Variants in WWOX observed in about 807,000 individuals in gnomAD.
The protein encoded by WWOX is WW domain-containing oxidoreductase.
A neutral mutation model predicts 46.2 loss-of-function variants in WWOX; 69 were observed. The observed-to-expected ratio is 1.49, with a 90% CI of 1.23 to 1.82. The LOEUF is 1.82. Ranked by LOEUF, WWOX falls within the 40% of genes most tolerant of loss-of-function variation. The pLI is 0.00. For synonymous variants in WWOX, 359 were observed against 202.6 expected, an observed-to-expected ratio of 1.77 and a Z score of -6.56; for missense variants, 919 against 542.6, an observed-to-expected ratio of 1.69 and a Z score of -6.89.
intron 8 of WWOX, among the ~76,000 whole-genome samples, chr16:78,923,863 G>C (rs573885794): frequency 7.1e-6 from 1 of 141,014 alleles, no homozygotes; most frequent in East Asian, 2.3e-4. Flanking sequence ...GCAGTGGCGC[G>C]ATCTCGGTTC....
chr16:78,492,329 A>C lies in WWOX; in HGVS notation c.1056+59577A>C, dbSNP rs146887562. Among the ~76,000 whole-genome samples, 997 of 152,332 alleles carry C rather than the reference A, an allele frequency of 6.5e-3. 4 individuals carry two copies. Among genetic ancestry groups the C allele is most frequent in the Non-Finnish European group, 0.01 (686 of 68,026 alleles). On this transcript the variant is annotated intron_variant, in intron 8 of 8. Transcript: ENST00000566780. ...TTTTTCTTCTTTTCTATCTGCTAGCAAAGTGGGTAAGTTGACCCATGACAT... is the reference window on the plus strand; with the variant it reads ...TTTTTCTTCTTTTCTATCTGCTAGCCAAGTGGGTAAGTTGACCCATGACAT...
At chr16:78,575,043 ATATATATATATATATATATAT>A (rs2044831517) in intron 8 of WWOX, among the ~76,000 whole-genome samples, 1 of 5,498 alleles carries the variant, frequency 1.8e-4, no homozygotes. Flanking sequence ...ATATATATAT[ATATATATATATATATATATAT>A]ATATATATAT....
chr16:79,110,966 T>C (rs2049405655), intron 8 of WWOX: 1 of 152,246 alleles, frequency 6.6e-6, no homozygotes, highest in South Asian at 2.1e-4. Flanking sequence ...GGTCAAGAAA[T>C]GGCAGATTTT....
At chr16:79,058,057 C>A (rs77165673) in intron 8 of WWOX, among the ~76,000 whole-genome samples, 5,846 of 150,816 alleles carry the variant, frequency 0.039, 136 homozygotes, top group South Asian at 0.051. Context: ...CATCACTTTT[C>A]CTCCACACTA....
intron 8 of WWOX, among the ~76,000 whole-genome samples, chr16:78,960,156 C>CTAAT (rs1361166437): frequency 6.6e-6 from 1 of 152,080 alleles, no homozygotes; most frequent in African/African-American, 2.4e-5. Context: ...GGAAGAACAG[C>CTAAT]TAATTCCAGA....
At chr16:78,449,193 A>T (rs2083631199) in intron 8 of WWOX, among the ~76,000 whole-genome samples, 1 of 152,158 alleles carries the variant, frequency 6.6e-6, no homozygotes, top group East Asian at 1.9e-4. Context: ...GTTCCTTGCC[A>T]CGTAGGGATC....
At chr16:79,048,632 C>T (rs184382567) in intron 8 of WWOX, among the ~76,000 whole-genome samples, 1 of 152,106 alleles carries the variant, frequency 6.6e-6, no homozygotes, top group Non-Finnish European at 1.5e-5. Context: ...TTTGTTTTCT[C>T]TGATAATTAT....
intron 1 of WWOX, among the ~76,000 whole-genome samples, chr16:78,106,285 A>G (rs1159373406): frequency 6.6e-6 from 1 of 152,166 alleles, no homozygotes; most frequent in African/African-American, 2.4e-5. Flanking sequence ...GTTATTGCCA[A>G]TGCTTGGTTT....
chr16:78,203,715 A>G (rs780454823), intron 5 of WWOX, among the ~76,000 whole-genome samples: 4 of 152,198 alleles, frequency 2.6e-5, no homozygotes, highest in Middle Eastern at 3.4e-3. Flanking sequence ...TGCGGAAGGG[A>G]TGGGGGAGCA....
At position 78,394,861 on chromosome 16, in the gene WWOX, G is replaced by A. The variant is rs560372494; in HGVS notation, c.605+7913G>A. Among the ~76,000 whole-genome samples, 8 of 152,316 alleles carry A rather than the reference G, an allele frequency of 5.3e-5. No individual in the cohort carries two copies. The East Asian group carries it at 1.5e-3, about 29-fold the overall frequency. ...GCCCTGGAGTAGTGTAAAGAACGTGGGTGTTGGGGGTCAACTGACGCTTCC... is the reference window on the plus strand; with the variant it reads ...GCCCTGGAGTAGTGTAAAGAACGTGAGTGTTGGGGGTCAACTGACGCTTCC... On this transcript the variant is annotated intron_variant, in intron 6 of 8. Transcript: ENST00000566780.
chr16:78,705,733 G>C (rs1193707540), intron 8 of WWOX, among the ~76,000 whole-genome samples: 1 of 152,062 alleles, frequency 6.6e-6, no homozygotes, highest in Non-Finnish European at 1.5e-5. Flanking sequence ...TGGTGACTTT[G>C]TGTAATGCTG....
At chr16:78,661,512 A>G (rs2142172864) in intron 8 of WWOX, among the ~76,000 whole-genome samples, 1 of 152,272 alleles carries the variant, frequency 6.6e-6, no homozygotes. Flanking sequence ...ATTCCTTATT[A>G]AACATTTATG....
chr16:78,546,625 A>G (rs2044038974), intron 8 of WWOX, among the ~76,000 whole-genome samples: 3 of 152,326 alleles, frequency 2.0e-5, no homozygotes, highest in Middle Eastern at 3.4e-3. Flanking sequence ...TAAAATATAA[A>G]TTCCTAGTCC....
chr16:78,193,271 C>T (rs574689251), intron 5 of WWOX, among the ~76,000 whole-genome samples: 4 of 152,332 alleles, frequency 2.6e-5, no homozygotes, highest in East Asian at 1.9e-4. Flanking sequence ...ACAAAGAATT[C>T]ACTTGACCAA....
At chr16:78,176,898 A>G (rs2151749020) in intron 5 of WWOX, among the ~76,000 whole-genome samples, 1 of 152,336 alleles carries the variant, frequency 6.6e-6, no homozygotes, top group East Asian at 1.9e-4. Context: ...TGTTTCATTG[A>G]TTAAACTTTG....
chr16:78,429,440 G>C (rs1415874316), intron 7 of WWOX, among the ~76,000 whole-genome samples: 1 of 152,154 alleles, frequency 6.6e-6, no homozygotes, highest in African/African-American at 2.4e-5. Context: ...AGCTGTGGAA[G>C]AGTTCATTAT....
chr16:78,758,065 T>C (rs1431090444), intron 8 of WWOX, among the ~76,000 whole-genome samples: 7 of 152,206 alleles, frequency 4.6e-5, no homozygotes, highest in Admixed American at 4.6e-4. Flanking sequence ...TTATTATTAA[T>C]ATTTAAAATA....
chr16:78,935,599 C>T (rs565539042), intron 8 of WWOX, among the ~76,000 whole-genome samples: 88 of 137,764 alleles, frequency 6.4e-4, no homozygotes, highest in African/African-American at 2.3e-3. Flanking sequence ...CACACCGGGG[C>T]CTGTCGTGGG....
At chr16:78,495,411 G>A (rs1368351069) in intron 8 of WWOX, among the ~76,000 whole-genome samples, 1 of 151,738 alleles carries the variant, frequency 6.6e-6, no homozygotes, top group African/African-American at 2.4e-5. Flanking sequence ...AAAGTGCTGG[G>A]ATTACAGGCG....
Sources: gnomAD v4.1 joint callset for allele counts (sites outside exome capture counted in the v4.1 genomes callset) on GRCh38, gnomAD v4.1.1 for gene constraint, MANE v1.5 for transcripts, NCBI Gene and HGNC (gene_info 2026-07-23, HGNC 2026-07-21) for gene names.